Variants in NRXN3 observed in about 807,000 individuals in gnomAD.
NRXN3 encodes the protein neurexin 3.
Under a neutral mutation model 137.6 loss-of-function variants are expected in NRXN3, and 32 were observed. That is an observed-to-expected ratio of 0.23 (90% CI 0.18 to 0.31). The LOEUF (loss-of-function observed/expected upper bound fraction) is 0.31. NRXN3 is among the 10% of genes least tolerant of loss of function. NRXN3 has a pLI of 1.00. For synonymous variants in NRXN3, 798 were observed against 784.5 expected, an observed-to-expected ratio of 1.02 and a Z score of -0.29; for missense variants, 1,574 against 2,062.5, an observed-to-expected ratio of 0.76 and a Z score of 4.59.
intron 15 of NRXN3, among the ~76,000 whole-genome samples, chr14:79,004,466 A>G (rs2099548193): frequency 6.6e-6 from 1 of 151,862 alleles, no homozygotes; most frequent in Non-Finnish European, 1.5e-5. Context: ...CAGGTCTCAA[A>G]CTCTTGGATG....
At chr14:79,813,012 T>C (rs2140887200) in intron 20 of NRXN3, among the ~76,000 whole-genome samples, 1 of 152,272 alleles carries the variant, frequency 6.6e-6, no homozygotes, top group African/African-American at 2.4e-5. Context: ...ATATATATGA[T>C]ATGCACATAT....
intron 15 of NRXN3, among the ~76,000 whole-genome samples, chr14:79,358,625 G>A (rs1403239061): frequency 6.8e-6 from 1 of 146,084 alleles, no homozygotes; most frequent in Non-Finnish European, 1.5e-5. Flanking sequence ...AAGAAAGAAA[G>A]AAAGAAAGAA....
At chr14:78,423,034 T>C (rs924554280) in intron 4 of NRXN3, among the ~76,000 whole-genome samples, 1 of 152,222 alleles carries the variant, frequency 6.6e-6, no homozygotes, top group African/African-American at 2.4e-5. Flanking sequence ...ATCAGGCTAA[T>C]TGTAGAGTTA....
chr14:79,762,370 T>C (rs1466372129), intron 19 of NRXN3, among the ~76,000 whole-genome samples: 1 of 151,724 alleles, frequency 6.6e-6, no homozygotes, highest in Admixed American at 6.5e-5. Context: ...GAAGCAGATG[T>C]TGAACTGAAG....
intron 4 of NRXN3, among the ~76,000 whole-genome samples, chr14:78,455,158 C>T (rs1048182081): frequency 6.6e-5 from 10 of 152,208 alleles, no homozygotes; most frequent in African/African-American, 2.2e-4. Flanking sequence ...TCAAGTGTCG[C>T]AACTGCACTG....
At chr14:79,013,524 G>T (rs544188039) in intron 15 of NRXN3, among the ~76,000 whole-genome samples, 1 of 152,192 alleles carries the variant, frequency 6.6e-6, no homozygotes, top group East Asian at 1.9e-4. Flanking sequence ...AGAAGCTTTT[G>T]TCTTTGCAAT....
At chr14:79,783,898 A>T (rs2099121508) in intron 19 of NRXN3, among the ~76,000 whole-genome samples, 2 of 152,160 alleles carry the variant, frequency 1.3e-5, no homozygotes, top group South Asian at 4.1e-4. Flanking sequence ...TAATGCAAAA[A>T]ATAAGAATAA....
chr14:78,311,046 A>T (rs2153543040), intron 4 of NRXN3, among the ~76,000 whole-genome samples: 1 of 152,278 alleles, frequency 6.6e-6, no homozygotes, highest in Non-Finnish European at 1.5e-5. Flanking sequence ...AATCTTTTTG[A>T]CTATCTGTGT....
intron 15 of NRXN3, among the ~76,000 whole-genome samples, chr14:79,246,164 A>G (rs1344733758): frequency 1.3e-5 from 2 of 152,200 alleles, no homozygotes; most frequent in African/African-American, 4.8e-5. Context: ...AAAGTAGCAT[A>G]TTCCCATGGC....
chr14:78,657,077 A>G (rs1012315957), intron 6 of NRXN3, among the ~76,000 whole-genome samples: 6 of 141,414 alleles, frequency 4.2e-5, no homozygotes, highest in African/African-American at 1.6e-4. Flanking sequence ...AAAAAAAAAG[A>G]AAAGGTGGTC....
chr14:78,436,841 C>T (rs1345801848), intron 4 of NRXN3, among the ~76,000 whole-genome samples: 1 of 152,152 alleles, frequency 6.6e-6, no homozygotes, highest in Non-Finnish European at 1.5e-5. Context: ...TCATGGCCAT[C>T]ATTTATTTAG....
chr14:78,394,008 C>T (rs537647111), intron 4 of NRXN3, among the ~76,000 whole-genome samples: 115 of 151,894 alleles, frequency 7.6e-4, no homozygotes, highest in Admixed American at 2.5e-3. Flanking sequence ...GTGTAGATTA[C>T]TTGGGATTTT....
intron 6 of NRXN3, among the ~76,000 whole-genome samples, chr14:78,697,233 C>A (rs1035597295): frequency 1.3e-5 from 2 of 151,908 alleles, no homozygotes; most frequent in South Asian, 2.1e-4. Flanking sequence ...GAATTTGGGA[C>A]CTCTTTAGAC....
In NRXN3 at chr14:78,497,260, G is replaced by T. The variant is rs1197853061; in HGVS notation, c.758-147860G>T. ...TTGAGCATAAGTTTTGATTAACTTTGTCATTATTTCAAGCCAATATAGCCA... is the reference window on the plus strand; with the variant it reads ...TTGAGCATAAGTTTTGATTAACTTTTTCATTATTTCAAGCCAATATAGCCA... On this transcript the variant is annotated intron_variant, in intron 4 of 20. Transcript: ENST00000335750. Among the ~76,000 whole-genome samples, 6 of 152,240 alleles carry T rather than the reference G, an allele frequency of 3.9e-5. No homozygotes were observed. In the South Asian group the frequency reaches 8.3e-4, roughly 21 times the overall value.
intron 4 of NRXN3, among the ~76,000 whole-genome samples, chr14:78,478,564 A>C (rs1441399581): frequency 6.6e-6 from 1 of 152,220 alleles, no homozygotes; most frequent in Non-Finnish European, 1.5e-5. Flanking sequence ...AAAAAGAGAA[A>C]GCCTTTCTAA....
intron 15 of NRXN3, among the ~76,000 whole-genome samples, chr14:79,227,774 CTT>C (rs1597503620): frequency 2.1e-4 from 26 of 123,994 alleles, no homozygotes; most frequent in East Asian, 5.0e-4. Context: ...TCCTTCCTTC[CTT>C]CCTTCCTTCC....
chr14:78,529,520 C>A (rs185432688), intron 4 of NRXN3, among the ~76,000 whole-genome samples: 274 of 152,258 alleles, frequency 1.8e-3, no homozygotes, highest in African/African-American at 6.3e-3. Flanking sequence ...CTTGAAGTAA[C>A]GTGAACCCCA....
intron 4 of NRXN3, among the ~76,000 whole-genome samples, chr14:78,321,114 CA>C (rs140758153): frequency 1.0e-4 from 15 of 144,174 alleles, no homozygotes; most frequent in Admixed American, 2.8e-4. Context: ...GACTTCATTT[CA>C]AAAAAAAAAG....
At chr14:79,739,500 C>A (rs1412371132) in intron 19 of NRXN3, among the ~76,000 whole-genome samples, 1 of 151,556 alleles carries the variant, frequency 6.6e-6, no homozygotes, top group African/African-American at 2.4e-5. Context: ...AAAAATTAGC[C>A]AGGCATGGTG....
Sources: gnomAD v4.1 joint callset for allele counts (sites outside exome capture counted in the v4.1 genomes callset) on GRCh38, gnomAD v4.1.1 for gene constraint, MANE v1.5 for transcripts, NCBI Gene and HGNC (gene_info 2026-07-23, HGNC 2026-07-21) for gene names.